Variants in RHBDF1 observed in about 807,000 individuals in gnomAD.
RHBDF1 encodes the protein rhomboid 5 homolog 1.
A neutral mutation model predicts 98.6 loss-of-function variants in RHBDF1; 80 were observed. The ratio of observed to expected loss-of-function variants is 0.81; its 90% CI spans 0.68 to 0.98. The LOEUF (loss-of-function observed/expected upper bound fraction) is 0.98. Ranked by LOEUF, RHBDF1 falls within the 50% of genes least tolerant of loss-of-function variation. The pLI, the probability that RHBDF1 is intolerant of heterozygous loss-of-function variation, is 0.00. For missense variants in RHBDF1, 1,116 were observed against 1,198.3 expected, an observed-to-expected ratio of 0.93 and a Z score of 1.01; for synonymous variants, 512 against 486.8, an observed-to-expected ratio of 1.05 and a Z score of -0.68.
chr16:75,898 G>A (rs113278787), upstream of RHBDF1, among the ~76,000 whole-genome samples: 2,005 of 152,240 alleles, frequency 0.013, 40 homozygotes, highest in African/African-American at 0.043. Flanking sequence ...GAGAGAAGAC[G>A]GAGCCAGTGT....
intron 3 of RHBDF1, chr16:64,064 G>A (rs1897751469): frequency 1.5e-6 from 1 of 648,076 alleles, no homozygotes; most frequent in Non-Finnish European, 2.8e-6. Context: ...CCATCCCTGA[G>A]GGGCAGTTGA....
rs149119698 is a variant in RHBDF1, at chr16:70,075, C to G, written c.-25+2438G>C. Among the ~76,000 whole-genome samples, 95 of 152,226 alleles carry G rather than the reference C, an allele frequency of 6.2e-4. 1 individual carries two copies. The highest frequency in any genetic ancestry group is 2.1e-3 in the African/African-American group (89 of 41,522). On this transcript the variant is annotated intron_variant, in intron 1 of 17. Transcript: ENST00000262316. ...TGGCACAGGGGTCACCAGAGCTAAACCCCTGACTCAGTTGGGTCTGACAGG... is the reference window on the plus strand; with the variant it reads ...TGGCACAGGGGTCACCAGAGCTAAAGCCCTGACTCAGTTGGGTCTGACAGG...
rs757429779 is a variant in RHBDF1 at position 60,023 on chromosome 16, G to A, written c.1722+193C>T. 541 of 1,475,734 alleles carry A rather than the reference G, an allele frequency of 3.7e-4. 1 individual carries two copies. The highest frequency in any genetic ancestry group is 4.7e-4 in the Non-Finnish European group (519 of 1,113,318). The allele number at this position is 1,475,734 out of a possible 1,614,324, so 91.4% of individuals were successfully genotyped here. A position where few individuals can be genotyped will look rare whatever the true frequency, so the allele number is the denominator to read the frequency against. On this transcript the variant is annotated intron_variant, in intron 13 of 17. Transcript: ENST00000262316. ...ACTTGACCTTTCAAGTCTCCATCTA[G>A]TTCTCTTGATCTACTTGCTCAGAGG...
intron 7 of RHBDF1, 24 bp from the exon 8 acceptor site, chr16:62,076 C>G: frequency 2.1e-6 from 3 of 1,440,398 alleles, no homozygotes; most frequent in Non-Finnish European, 2.7e-6. Flanking sequence ...GCATTCACCT[C>G]CCGCCCCAGC....
At chr16:64,161 G>A in intron 3 of RHBDF1, 1 of 930,300 alleles carries the variant, frequency 1.1e-6, no homozygotes, top group Non-Finnish European at 1.5e-6. Flanking sequence ...GACAGCAGGT[G>A]CTTACGGGCC....
At position 58,674 on chromosome 16, in the gene RHBDF1, C is replaced by G; in HGVS notation, c.2234G>C (p.Trp745Ser). 1.9e-6 allele frequency: 3 copies of G among 1,613,168 alleles called. No individual in the cohort carries two copies. Among genetic ancestry groups the G allele is most frequent in the Non-Finnish European group, 2.5e-6 (3 of 1,180,000 alleles). Residue 745 changes from tryptophan (W) to serine (S), a missense_variant, in exon 18 of 18, where the codon TGG becomes TCG. Physicochemically the swap from Trp to Ser is radical, Grantham distance 177 (BLOSUM62 -3). Coordinates refer to ENST00000262316, the MANE Select transcript of RHBDF1 (RefSeq NM_022450.5). Reference sequence around the variant, plus strand: ...AGCCAGCAGCTTGAAGAAGGCACGCCAGGGCCGCGCCAGGATCTGCCAGCT... The same window carrying G: ...AGCCAGCAGCTTGAAGAAGGCACGCGAGGGCCGCGCCAGGATCTGCCAGCT... Reference protein sequence around the residue: ...FQSWQILARPWRAFFKLLAVV... With the variant: ...FQSWQILARPSRAFFKLLAVV...
intron 12 of RHBDF1, 79 bp from the exon 13 acceptor site, chr16:60,358 G>C (rs147603159): frequency 2.5e-6 from 4 of 1,602,942 alleles, no homozygotes; most frequent in Non-Finnish European, 3.4e-6. Flanking sequence ...GCCAACAAGA[G>C]GAGCCCCTAC....
chr16:63,305 C>G (rs992054431), intron 4 of RHBDF1, 123 bp from the exon 5 acceptor site: 6 of 839,806 alleles, frequency 7.1e-6, no homozygotes, highest in Non-Finnish European at 1.1e-5. Context: ...CCCTGGACAG[C>G]TCTATGGCCA....
chr16:58,867 C>A (rs569966140), intron 17 of RHBDF1, 107 bp downstream of exon 17: 10 of 1,553,718 alleles, frequency 6.4e-6, no homozygotes, highest in Non-Finnish European at 7.9e-6. Flanking sequence ...ATATTGGGAC[C>A]GAGGATCCAA....
Position 63,036 on chromosome 16 carries a change from C to G in RHBDF1, c.609G>C (p.Pro203=). The part of the protein sequence containing the change: ...SSSRSGFHRL[P]RRRKRESVAK... ...CCACCGACTCTCGCTTGCGCCGCCG[C>G]GGGAGCCGGTGGAAACCTGAGCGGG... The change falls in exon 5 of 18, where the codon CCG becomes CCC. Residue 203 remains proline, a synonymous_variant. Transcript: ENST00000262316. 4.3e-6 allele frequency: 7 copies of G among 1,612,806 alleles called. No homozygotes were observed. Among genetic ancestry groups the G allele is most frequent in the Non-Finnish European group, 4.2e-6 (5 of 1,179,790 alleles).
At position 61,121 on chromosome 16, in the gene RHBDF1, G is replaced by C; in HGVS notation, c.1556C>G (p.Ser519Trp). ...GGAGTCCCGGGCGGGGAAACGCACC[G>C]AGCACTCCTCCTCCGAGGTCTGCAC... ...GCVQTSEEEC[S>W]STLAVWVKWP... Residue 519 changes from serine (S) to tryptophan (W), a missense_variant and splice_region_variant, in exon 11 of 18, where the codon TCG becomes TGG. Physicochemically the swap from Ser to Trp is radical, Grantham distance 177. Transcript: ENST00000262316. 6.5e-7 allele frequency: 1 copy of C among 1,526,884 alleles called. No individual in the cohort carries two copies. Among genetic ancestry groups the C allele is most frequent in the Non-Finnish European group, 8.8e-7 (1 of 1,137,778 alleles). 94.6% of individuals were successfully genotyped at this position (1,526,884 alleles called of 1,614,324 possible). A position where few individuals can be genotyped will look rare whatever the true frequency, so the allele number is the denominator to read the frequency against.
At position 61,300 on chromosome 16, in the gene RHBDF1, A is replaced by G; in HGVS notation, c.1396-19T>C. ...GGGCCTCCTGCGGGCGAGGGAGACGAGCGGCCGCAGTCCGGGGCCTCCTGC... is the reference window on the plus strand; with the variant it reads ...GGGCCTCCTGCGGGCGAGGGAGACGGGCGGCCGCAGTCCGGGGCCTCCTGC... On this transcript the variant is annotated intron_variant, in intron 10 of 17. Transcript: ENST00000262316. The G allele has an allele frequency of 6.5e-7, 1 of 1,541,918 alleles. No homozygotes were observed. The highest frequency in any genetic ancestry group is 8.7e-7 in the Non-Finnish European group (1 of 1,143,312).
intron 12 of RHBDF1, 67 bp downstream of exon 12, chr16:60,372 C>G: frequency 6.3e-7 from 1 of 1,598,384 alleles, no homozygotes; most frequent in Non-Finnish European, 8.6e-7. Context: ...CCCCTACACC[C>G]TCTGCACCAC....
In RHBDF1 at chr16:59,117, A is replaced by G; in HGVS notation, c.2005T>C (p.Cys669Arg). The change falls in exon 17 of 18, where the codon TGC (cysteine) becomes CGC (arginine). Residue 669 changes from cysteine (C) to arginine (R), a missense_variant. Cys to Arg is a radical substitution (Grantham distance 180). Coordinates refer to ENST00000262316, the MANE Select transcript of RHBDF1 (RefSeq NM_022450.5). ...ATCTGGAAGCAGATGGACACCAGGC[A>G]GTGCAAGATCCTGTAGTCAGTAGCA... ...SLFLHAGILH[C>R]LVSICFQMTV... 2 of 1,613,488 alleles carry G rather than the reference A, an allele frequency of 1.2e-6. No homozygotes were observed. Among genetic ancestry groups the G allele is most frequent in the Non-Finnish European group, 1.7e-6 (2 of 1,179,982 alleles).
Position 62,715 on chromosome 16 carries a change from C to A in RHBDF1, c.796-20G>T. The stretch of plus-strand genomic sequence containing the variant: ...ACCTTCCTGAGCAAACACATGAGGT[C>A]AGGGTGGACACAGGCAGGAAGGGAA... On this transcript the variant is annotated intron_variant, in intron 6 of 17. Transcript: ENST00000262316. The A allele has an allele frequency of 6.2e-7, 1 of 1,614,134 alleles. No individual in the cohort carries two copies.
At chr16:58,941 CG>C in intron 17 of RHBDF1, 32 bp downstream of exon 17, 1 of 1,608,776 alleles carries the variant, frequency 6.2e-7, no homozygotes, top group Non-Finnish European at 8.5e-7. Flanking sequence ...CAGGTGCACA[CG>C]GGAGGATCCC....
At position 58,675 on chromosome 16, in the gene RHBDF1, A is replaced by G. The variant is rs1897477355; in HGVS notation, c.2233T>C (p.Trp745Arg). ...GCCAGCAGCTTGAAGAAGGCACGCC[A>G]GGGCCGCGCCAGGATCTGCCAGCTC... is the stretch of plus-strand genomic sequence containing the variant. Reference protein sequence around the residue: ...FQSWQILARPWRAFFKLLAVV... With the variant: ...FQSWQILARPRRAFFKLLAVV... The change falls in exon 18 of 18, where the codon TGG becomes CGG. Residue 745 changes from tryptophan to arginine, a missense_variant. Trp to Arg is a moderately radical substitution (Grantham distance 101). Transcript: ENST00000262316. 1.2e-6 allele frequency: 2 copies of G among 1,613,016 alleles called. No homozygotes were observed.
chr16:70,316 G>A (rs991103918), intron 1 of RHBDF1, among the ~76,000 whole-genome samples: 2 of 152,202 alleles, frequency 1.3e-5, no homozygotes, highest in Admixed American at 6.5e-5. Flanking sequence ...CAGGCTGCAG[G>A]TGGGAGAGGC....
At position 65,159 on chromosome 16, in the gene RHBDF1, C is replaced by T. The variant is rs1029652868; in HGVS notation, c.-24-120G>A. 8.5e-6 allele frequency: 9 copies of T among 1,061,202 alleles called. No homozygotes were observed. In the African/African-American group the frequency reaches 1.3e-4, roughly 15 times the overall value. 65.7% of individuals were successfully genotyped at this position (1,061,202 alleles called of 1,614,324 possible). On this transcript the variant is annotated intron_variant, in intron 1 of 17. Coordinates refer to ENST00000262316, the MANE Select transcript of RHBDF1 (RefSeq NM_022450.5). ...CCAACCGTGGTGCTCATGTCCCCCA[C>T]TGTCAGAGCACTACTGTGTGCTCAG... is the stretch of plus-strand genomic sequence containing the variant.
Sources: gnomAD v4.1 joint callset for allele counts (sites outside exome capture counted in the v4.1 genomes callset) on GRCh38, gnomAD v4.1.1 for gene constraint, MANE v1.5 for transcripts, NCBI Gene and HGNC (gene_info 2026-07-23, HGNC 2026-07-21) for gene names.